The following RCAN1 variants were observed in gnomAD, a reference collection of about 807,000 sequenced individuals.
RCAN1 encodes the protein calcipressin-1.
A neutral mutation model predicts 22.9 loss-of-function variants in RCAN1; 11 were observed. That is an observed-to-expected ratio of 0.48 (90% confidence interval 0.30 to 0.79). RCAN1 has a LOEUF of 0.79. Among genes scored for constraint, RCAN1 ranks in the 30% least tolerant of loss-of-function variants. RCAN1 has a pLI of 0.06. For missense variants in RCAN1, 291 were observed against 337.8 expected (o/e 0.86, Z 1.09); for synonymous variants, 136 against 142.3 (o/e 0.96, Z 0.32).
chr21:34,613,875 G>T, intron 1 of RCAN1: 1 of 1,397,908 alleles, frequency 7.2e-7, no homozygotes, highest in Non-Finnish European at 9.5e-7. Context: ...ACAGCCAAGC[G>T]CTGAAAGCAC....
intron 1 of RCAN1, among the ~76,000 whole-genome samples, chr21:34,588,992 T>C (rs1987886949): frequency 6.6e-6 from 1 of 152,198 alleles, no homozygotes; most frequent in Non-Finnish European, 1.5e-5. Flanking sequence ...AGAATGGTGG[T>C]TGCCAGGGGC....
chr21:34,545,326 A>C (rs922122405), intron 1 of RCAN1, among the ~76,000 whole-genome samples: 1 of 152,186 alleles, frequency 6.6e-6, no homozygotes, highest in Non-Finnish European at 1.5e-5. Flanking sequence ...TCTGAACACC[A>C]GTGTGACAGT....
At chr21:34,582,485 T>TG (rs1395479590) in intron 1 of RCAN1, among the ~76,000 whole-genome samples, 1 of 151,958 alleles carries the variant, frequency 6.6e-6, no homozygotes, top group African/African-American at 2.4e-5. Flanking sequence ...TGTGGGTATC[T>TG]GGGGGAAGAA....
intron 1 of RCAN1, among the ~76,000 whole-genome samples, chr21:34,563,457 G>A (rs908778469): frequency 6.6e-6 from 1 of 152,030 alleles, no homozygotes; most frequent in Non-Finnish European, 1.5e-5. Flanking sequence ...AACATGTGGG[G>A]AAATGAAGAA....
In RCAN1 at chr21:34,599,621, CAT is replaced by C. The variant is rs145787497; in HGVS notation, c.252+15137_252+15138del. Among the ~76,000 whole-genome samples the C allele has an allele frequency of 6.1e-3, 923 of 151,966 alleles. 30 individuals carry two copies. In the East Asian group the frequency reaches 0.093, roughly 15 times the overall value. ...TGTATTTATCTTTCCAAACACACCA[CAT>C]ATGTTTATACATGTGTGTGAAAGGG... On this transcript the variant is annotated intron_variant, in intron 1 of 3. Transcript: ENST00000313806.
chr21:34,612,257 G>A (rs947235925), intron 1 of RCAN1, among the ~76,000 whole-genome samples: 5 of 152,142 alleles, frequency 3.3e-5, no homozygotes, highest in Non-Finnish European at 5.9e-5. Flanking sequence ...CCTTACCATG[G>A]CCCCAGGGGG....
At chr21:34,604,025 T>C (rs1027573047) in intron 1 of RCAN1, among the ~76,000 whole-genome samples, 29 of 152,318 alleles carry the variant, frequency 1.9e-4, no homozygotes, top group South Asian at 2.1e-4. Flanking sequence ...TTTGGAAAAG[T>C]CTTCAATGTT....
At chr21:34,523,931 T>G (rs1251714357) in intron 1 of RCAN1, 2 of 372,600 alleles carry the variant, frequency 5.4e-6, no homozygotes, top group African/African-American at 4.2e-5. Flanking sequence ...TACAGGTGCC[T>G]GCCAGCACAC....
At chr21:34,609,920 A>G (rs1988638668) in intron 1 of RCAN1, among the ~76,000 whole-genome samples, 1 of 152,236 alleles carries the variant, frequency 6.6e-6, no homozygotes, top group South Asian at 2.1e-4. Flanking sequence ...TCAAAAATGT[A>G]CAACATTCTG....
chr21:34,549,989 C>T (rs2834529), intron 1 of RCAN1, among the ~76,000 whole-genome samples: 36,619 of 151,842 alleles, frequency 0.24, 5,149 homozygotes, highest in African/African-American at 0.39. Context: ...AGTGACAGGG[C>T]GGCACATCAA....
At position 34,614,590 on chromosome 21, in the gene RCAN1, G is replaced by T. The variant is rs1988767340; in HGVS notation, c.252+170C>A. The T allele has an allele frequency of 1.0e-6, 1 of 1,001,254 alleles. No individual in the cohort carries two copies. The highest frequency in any genetic ancestry group is 1.2e-6 in the Non-Finnish European group (1 of 812,544). The allele number at this position is 1,001,254 out of a possible 1,614,324, so 62.0% of individuals were successfully genotyped here. Reference sequence around the variant, plus strand: ...GTGCTAGGGGACCGGGACCCTCGGGGCGCCGTCCCCACGCCCCAGCCCTGA... The same window carrying T: ...GTGCTAGGGGACCGGGACCCTCGGGTCGCCGTCCCCACGCCCCAGCCCTGA... On this transcript the variant is annotated intron_variant, in intron 1 of 3. Coordinates refer to ENST00000313806, the MANE Select transcript of RCAN1 (RefSeq NM_004414.7). The surrounding 1 kb of genome is among the most constrained non-coding windows in gnomAD (Gnocchi z 6.0).
intron 1 of RCAN1, among the ~76,000 whole-genome samples, chr21:34,604,235 A>G (rs1401679609): frequency 6.6e-6 from 1 of 152,108 alleles, no homozygotes; most frequent in Non-Finnish European, 1.5e-5. Flanking sequence ...GGTTCAAGCG[A>G]TTCTCCTGCC....
At chr21:34,573,504 G>A (rs1222456211) in intron 1 of RCAN1, among the ~76,000 whole-genome samples, 1 of 152,106 alleles carries the variant, frequency 6.6e-6, no homozygotes, top group African/African-American at 2.4e-5. Flanking sequence ...CACTACAAAT[G>A]CAGATAGGTC....
intron 1 of RCAN1, among the ~76,000 whole-genome samples, chr21:34,603,753 A>G (rs1988437562): frequency 6.6e-6 from 1 of 152,372 alleles, no homozygotes; most frequent in East Asian, 1.9e-4. Context: ...GAAGGCTGTA[A>G]GAAGGATTCA....
At chr21:34,549,901 G>A (rs1173526567) in intron 1 of RCAN1, among the ~76,000 whole-genome samples, 3 of 152,098 alleles carry the variant, frequency 2.0e-5, no homozygotes, top group African/African-American at 7.2e-5. Context: ...CAGACTCCAG[G>A]AGGCACTGAA....
chr21:34,611,626 G>C (rs1988690458), intron 1 of RCAN1, among the ~76,000 whole-genome samples: 1 of 152,114 alleles, frequency 6.6e-6, no homozygotes. Context: ...GCTAAGGAGG[G>C]GACGGCCAGA....
intron 1 of RCAN1, among the ~76,000 whole-genome samples, chr21:34,607,896 A>G (rs2123734791): frequency 6.6e-6 from 1 of 152,292 alleles, no homozygotes; most frequent in East Asian, 1.9e-4. Flanking sequence ...ATCTGTATTT[A>G]CAGCTGCTGC....
At chr21:34,594,090 A>G (rs2123715058) in intron 1 of RCAN1, among the ~76,000 whole-genome samples, 1 of 152,284 alleles carries the variant, frequency 6.6e-6, no homozygotes, top group African/African-American at 2.4e-5. Context: ...TCCTGTCGTG[A>G]CCCTTGAGTT....
At chr21:34,580,495 T>C (rs2066053748) in intron 1 of RCAN1, among the ~76,000 whole-genome samples, 1 of 152,234 alleles carries the variant, frequency 6.6e-6, no homozygotes, top group South Asian at 2.1e-4. Context: ...CACAGCTCAC[T>C]TGCCCGGCTA....
Sources: gnomAD v4.1 joint callset for allele counts (sites outside exome capture counted in the v4.1 genomes callset) on GRCh38, gnomAD v4.1.1 for gene constraint, Gnocchi (gnomAD v3.1) non-coding constraint, MANE v1.5 for transcripts, NCBI Gene and HGNC (gene_info 2026-07-23, HGNC 2026-07-21) for gene names.